ANKRD62: variants seen among roughly 807,000 people sequenced by gnomAD.
ANKRD62 encodes the protein ankyrin repeat domain-containing protein 62.
A neutral mutation model predicts 98.8 loss-of-function variants in ANKRD62; 61 were observed. The observed-to-expected ratio is 0.62, with a 90% CI of 0.50 to 0.76. ANKRD62 has a LOEUF of 0.76. ANKRD62 is among the 30% of genes least tolerant of loss of function. ANKRD62 has a pLI of 0.00. For missense variants in ANKRD62, 933 were observed against 1,082.9 expected (o/e 0.86, Z 1.94); for synonymous variants, 341 against 367.9 (o/e 0.93, Z 0.84).
intron 11 of ANKRD62, among the ~76,000 whole-genome samples, chr18:12,122,812 G>A (rs1909808052): frequency 6.6e-6 from 1 of 151,944 alleles, no homozygotes; most frequent in Admixed American, 6.6e-5. Context: ...TATTAATGCT[G>A]TAAGAAACAT....
intron 10 of ANKRD62, among the ~76,000 whole-genome samples, chr18:12,119,311 A>C (rs1909734634): frequency 6.7e-6 from 1 of 149,682 alleles, no homozygotes; most frequent in Non-Finnish European, 1.5e-5. Context: ...CACATTTATC[A>C]ATCTCCCAAA....
At chr18:12,109,054 A>G (rs1342260770) in intron 8 of ANKRD62, among the ~76,000 whole-genome samples, 1 of 152,130 alleles carries the variant, frequency 6.6e-6, no homozygotes, top group Admixed American at 6.5e-5. Context: ...CTGTCAGTGG[A>G]TCTACCTTTC....
downstream of ANKRD62, among the ~76,000 whole-genome samples, chr18:12,130,923 CAGG>C: frequency 1.3e-5 from 2 of 152,282 alleles, no homozygotes; most frequent in Middle Eastern, 6.8e-3. Context: ...CTCCTGACCT[CAGG>C]TGATCCACTT....
the ANKRD62 span, among the ~76,000 whole-genome samples, chr18:12,136,386 C>G: frequency 6.6e-6 from 1 of 152,128 alleles, no homozygotes. Context: ...GAGCTCTGTT[C>G]TTTTCCATTG....
chr18:12,120,642 T>C (rs1264161595), intron 10 of ANKRD62, among the ~76,000 whole-genome samples: 1 of 152,200 alleles, frequency 6.6e-6, no homozygotes. Context: ...TGATATTCAA[T>C]ATAGTTGTTT....
At chr18:12,170,815 T>A in the ANKRD62 span, among the ~76,000 whole-genome samples, 2 of 152,210 alleles carry the variant, frequency 1.3e-5, no homozygotes, top group Non-Finnish European at 2.9e-5. Flanking sequence ...TGGGTGCTCT[T>A]GTATTGGGTG....
At chr18:12,171,681 G>C in the ANKRD62 span, among the ~76,000 whole-genome samples, 4 of 152,160 alleles carry the variant, frequency 2.6e-5, no homozygotes, top group East Asian at 1.9e-4. Context: ...TTTGAATGTT[G>C]GCCTATCTTG....
chr18:12,131,731 G>A (rs12969970), downstream of ANKRD62, among the ~76,000 whole-genome samples: 93,075 of 151,460 alleles, frequency 0.61, 28,945 homozygotes, highest in Middle Eastern at 0.77. Flanking sequence ...GTGTGTGTAT[G>A]TGTGAGTGTG....
At chr18:12,156,586 T>C in the ANKRD62 span, among the ~76,000 whole-genome samples, 1 of 152,090 alleles carries the variant, frequency 6.6e-6, no homozygotes, top group Non-Finnish European at 1.5e-5. Flanking sequence ...ATAATATAAG[T>C]CTAGATATTA....
At chr18:12,125,045 T>C (rs1269273332) in intron 12 of ANKRD62, among the ~76,000 whole-genome samples, 2 of 152,220 alleles carry the variant, frequency 1.3e-5, no homozygotes, top group Non-Finnish European at 2.9e-5. Flanking sequence ...AAATTTTATC[T>C]GTCCAGATAT....
In ANKRD62 at chr18:12,128,681, AATCT is replaced by A. The variant is rs1248915766; in HGVS notation, c.*749_*752del. 1 of 152,174 alleles carries A rather than the reference AATCT, an allele frequency of 6.6e-6. No individual in the cohort carries two copies. The highest frequency in any genetic ancestry group is 1.9e-4 in the East Asian group (1 of 5,202). 9.4% of individuals were successfully genotyped at this position (152,174 alleles called of 1,614,324 possible). On this transcript the variant is annotated 3_prime_UTR_variant, in exon 14 of 14. Transcript: ENST00000587848. Reference sequence around the variant, plus strand: ...CATGAGCCCTGCCACTCGATAGGAGAATCTATCTATTTTAATTATTTTTCTGTTT... The same window carrying A: ...CATGAGCCCTGCCACTCGATAGGAGAATCTATTTTAATTATTTTTCTGTTT...
chr18:12,126,646 A>G (rs1433083724), intron 13 of ANKRD62, among the ~76,000 whole-genome samples: 2 of 152,238 alleles, frequency 1.3e-5, no homozygotes, highest in Non-Finnish European at 2.9e-5. Context: ...ACTAACATTT[A>G]TAATGTAGTC....
At chr18:12,115,318 T>G in intron 9 of ANKRD62, 75 bp from the exon 10 acceptor site, 1 of 1,351,444 alleles carries the variant, frequency 7.4e-7, no homozygotes, top group Non-Finnish European at 9.7e-7. Context: ...AGACGGATAA[T>G]TCCCACTGGT....
the ANKRD62 span, among the ~76,000 whole-genome samples, chr18:12,167,902 T>C: frequency 2.0e-5 from 3 of 152,270 alleles, no homozygotes; most frequent in Non-Finnish European, 2.9e-5. Flanking sequence ...CATTTTTTCA[T>C]GTGTCTATTG....
chr18:12,094,074 G>A lies in ANKRD62; in HGVS notation c.57G>A (p.Arg19=). The A allele has an allele frequency of 6.5e-7, 1 of 1,535,194 alleles. No homozygotes were observed. Reference sequence around the variant, plus strand: ...GCAGGAGACGCATGGCTACCTGGAGGAAGAATCGTGACAAGGATGGCTTCT... The same window carrying A: ...GCAGGAGACGCATGGCTACCTGGAGAAAGAATCGTGACAAGGATGGCTTCT... ...AACRRRMATW[R]KNRDKDGFSN... is the part of the protein sequence containing the mutation. The change falls in exon 1 of 14, where the codon AGG becomes AGA. Residue 19 remains arginine, a synonymous_variant. Coordinates refer to ENST00000587848, the MANE Select transcript of ANKRD62 (RefSeq NM_001277333.2).
chr18:12,116,497 G>T (rs1909668612), intron 10 of ANKRD62, among the ~76,000 whole-genome samples: 1 of 152,038 alleles, frequency 6.6e-6, no homozygotes, highest in Non-Finnish European at 1.5e-5. Flanking sequence ...ATAGTATTTT[G>T]TGTTTAGACT....
At chr18:12,141,528 G>A in the ANKRD62 span, among the ~76,000 whole-genome samples, 1 of 150,556 alleles carries the variant, frequency 6.6e-6, no homozygotes, top group African/African-American at 2.5e-5. Context: ...TCCTATGGTG[G>A]CTATTTCATC....
intron 6 of ANKRD62, among the ~76,000 whole-genome samples, chr18:12,101,775 G>A (rs1000927077): frequency 2.6e-5 from 4 of 152,162 alleles, no homozygotes; most frequent in Non-Finnish European, 5.9e-5. Context: ...TTAACTCACC[G>A]CAATACAAAA....
the ANKRD62 span, among the ~76,000 whole-genome samples, chr18:12,155,836 C>A: frequency 4.5e-4 from 69 of 152,224 alleles, no homozygotes; most frequent in East Asian, 9.7e-4. Context: ...GTACTTCCTT[C>A]AGATAGACAT....
Sources: allele counts gnomAD v4.1 joint callset (sites outside exome capture counted in the v4.1 genomes callset), GRCh38; gene constraint gnomAD v4.1.1; transcripts MANE v1.5; gene names NCBI Gene and HGNC (gene_info 2026-07-23, HGNC 2026-07-21).